The following VAMP4 variants were observed in gnomAD, a reference collection of about 807,000 sequenced individuals.
VAMP4 encodes vesicle-associated membrane protein 4.
A neutral mutation model predicts 23.5 loss-of-function variants in VAMP4; 19 were observed. The ratio of observed to expected loss-of-function variants is 0.81; its 90% CI spans 0.56 to 1.19. VAMP4 has a LOEUF of 1.19. VAMP4 is among the 50% of genes most tolerant of loss of function. The pLI, the probability that VAMP4 is intolerant of heterozygous loss-of-function variation, is 0.00. For synonymous variants in VAMP4, 31 were observed against 51.0 expected, an observed-to-expected ratio of 0.61 and a Z score of 1.67; for missense variants, 145 against 168.6, an observed-to-expected ratio of 0.86 and a Z score of 0.78.
intron 4 of VAMP4, among the ~76,000 whole-genome samples, chr1:171,715,506 G>C (rs530280462): frequency 5.3e-5 from 8 of 152,112 alleles, no homozygotes; most frequent in African/African-American, 1.7e-4. Flanking sequence ...TGTGACTTTG[G>C]AATTCACCTT....
chr1:171,714,008 A>T (rs749456924), intron 4 of VAMP4, among the ~76,000 whole-genome samples: 13 of 152,102 alleles, frequency 8.5e-5, no homozygotes, highest in Non-Finnish European at 4.4e-5. Context: ...AAATATTTTA[A>T]TTTTTCTGCT....
chr1:171,735,421 A>G (rs567426982), intron 2 of VAMP4, among the ~76,000 whole-genome samples: 4 of 152,382 alleles, frequency 2.6e-5, no homozygotes, highest in Admixed American at 2.6e-4. Context: ...ATTACAAACA[A>G]GTTCCGAGAG....
chr1:171,725,378 A>G (rs879682623), intron 3 of VAMP4, among the ~76,000 whole-genome samples: 3 of 152,200 alleles, frequency 2.0e-5, no homozygotes, highest in Non-Finnish European at 2.9e-5. Context: ...AGGCAGGAGA[A>G]TCACTTGAGG....
At chr1:171,728,691 G>A in intron 2 of VAMP4, 121 bp from the exon 3 acceptor site, 1 of 918,276 alleles carries the variant, frequency 1.1e-6, no homozygotes, top group East Asian at 2.7e-5. Flanking sequence ...TCCATAAAGA[G>A]GGAAAAGTAA....
chr1:171,719,130 C>G (rs1315707715), intron 4 of VAMP4, 41 bp downstream of exon 4: 3 of 1,586,742 alleles, frequency 1.9e-6, no homozygotes, highest in Non-Finnish European at 2.6e-6. Flanking sequence ...CTAGTCTACA[C>G]AGAAATATGA....
At chr1:171,706,086 G>T (rs921414696) in intron 7 of VAMP4, among the ~76,000 whole-genome samples, 4 of 151,948 alleles carry the variant, frequency 2.6e-5, no homozygotes, top group Admixed American at 1.3e-4. Flanking sequence ...TGGATTTGGG[G>T]GTGAGGGTTG....
chr1:171,738,331 T>C lies in VAMP4; in HGVS notation c.66+18A>G. On this transcript the variant is annotated intron_variant, in intron 2 of 7. Transcript: ENST00000236192. ...ATTTTGAATCTTTTGTTTTTAAAGC[T>C]TAAGATTCCGAACTTACCCTTTCAC... 5.0e-6 allele frequency: 8 copies of C among 1,611,980 alleles called. No homozygotes were observed. The highest frequency in any genetic ancestry group is 6.8e-6 in the Non-Finnish European group (8 of 1,178,838).
At chr1:171,733,675 T>C (rs1655635314) in intron 2 of VAMP4, among the ~76,000 whole-genome samples, 1 of 152,120 alleles carries the variant, frequency 6.6e-6, no homozygotes, top group African/African-American at 2.4e-5. Context: ...AGGCAGATAA[T>C]ATTAAGTGTT....
chr1:171,715,619 G>A (rs1655002832), intron 4 of VAMP4, among the ~76,000 whole-genome samples: 1 of 152,162 alleles, frequency 6.6e-6, no homozygotes, highest in South Asian at 2.1e-4. Flanking sequence ...CAAACACTTA[G>A]CATAGTGCCC....
intron 3 of VAMP4, among the ~76,000 whole-genome samples, chr1:171,728,068 A>G (rs1320970910): frequency 4.6e-5 from 7 of 152,190 alleles, no homozygotes; most frequent in African/African-American, 1.4e-4. Flanking sequence ...TCAGTTACCC[A>G]TGGTCAACTG....
At position 171,702,852 on chromosome 1, in the gene VAMP4, A is replaced by C. The variant is rs919044995; in HGVS notation, c.*1654T>G. 1 of 152,014 alleles carries C rather than the reference A, an allele frequency of 6.6e-6. No individual in the cohort carries two copies. Among genetic ancestry groups the C allele is most frequent in the Non-Finnish European group, 1.5e-5 (1 of 67,868 alleles). The allele number at this position is 152,014 out of a possible 1,614,324, so 9.4% of individuals were successfully genotyped here. A position where few individuals can be genotyped will look rare whatever the true frequency, so the allele number is the denominator to read the frequency against. ...TTATCTCCTTCTAAATGCTCTAAGC[A>C]AACTATAAAATTTAGTAATTCTATT... On this transcript the variant is annotated 3_prime_UTR_variant, in exon 8 of 8. Coordinates refer to ENST00000236192, the MANE Select transcript of VAMP4 (RefSeq NM_003762.5).
At chr1:171,710,623 A>G (rs1336209703) in intron 5 of VAMP4, 91 bp downstream of exon 5, 2 of 978,348 alleles carry the variant, frequency 2.0e-6, no homozygotes, top group Admixed American at 2.6e-5. Context: ...CCAATTTCCT[A>G]AGCCAAGATT....
In VAMP4 at chr1:171,704,424, T is replaced by C; in HGVS notation, c.*82A>G. The C allele has an allele frequency of 2.4e-6, 3 of 1,255,714 alleles. No homozygotes were observed. The highest frequency in any genetic ancestry group is 1.6e-5 in the African/African-American group (1 of 64,452). 77.8% of individuals were successfully genotyped at this position (1,255,714 alleles called of 1,614,324 possible). A position where few individuals can be genotyped will look rare whatever the true frequency, so the allele number is the denominator to read the frequency against. ...TGAAAAAGAAGTTTTGAAAGTTATA[T>C]ACACATAGGTTTCATTTAAATTATG... On this transcript the variant is annotated 3_prime_UTR_variant, in exon 8 of 8. Coordinates refer to ENST00000236192, the MANE Select transcript of VAMP4 (RefSeq NM_003762.5).
intron 5 of VAMP4, among the ~76,000 whole-genome samples, chr1:171,710,130 T>A (rs947309706): frequency 1.3e-5 from 2 of 151,156 alleles, no homozygotes; most frequent in African/African-American, 4.8e-5. Flanking sequence ...TTAGAAGATA[T>A]CAAAAGTGAC....
chr1:171,712,067 A>G (rs1654865590), intron 4 of VAMP4, among the ~76,000 whole-genome samples: 1 of 152,156 alleles, frequency 6.6e-6, no homozygotes, highest in South Asian at 2.1e-4. Context: ...TTGTGTAAGT[A>G]TACTACTCTA....
chr1:171,727,084 A>G (rs1655393986), intron 3 of VAMP4, among the ~76,000 whole-genome samples: 1 of 151,804 alleles, frequency 6.6e-6, no homozygotes, highest in African/African-American at 2.4e-5. Context: ...ATAAATAAAT[A>G]TAATAATTAG....
intron 6 of VAMP4, 94 bp from the exon 7 acceptor site, chr1:171,706,512 T>C (rs975146142): frequency 1.6e-6 from 2 of 1,216,128 alleles, no homozygotes; most frequent in East Asian, 5.2e-5. Flanking sequence ...TACTAAATCA[T>C]CTCATCACCT....
At chr1:171,722,016 T>C (rs1655210086) in intron 3 of VAMP4, among the ~76,000 whole-genome samples, 1 of 152,160 alleles carries the variant, frequency 6.6e-6, no homozygotes, top group African/African-American at 2.4e-5. Context: ...ACTACAAGGC[T>C]ACAGTAACCA....
In VAMP4 at chr1:171,700,255, A is replaced by G. The variant is rs1208278294; in HGVS notation, c.*4251T>C. On this transcript the variant is annotated 3_prime_UTR_variant, in exon 8 of 8. Coordinates refer to ENST00000236192, the MANE Select transcript of VAMP4 (RefSeq NM_003762.5). Reference sequence around the variant, plus strand: ...AACACAAAGGTCTAAACTTTGCAACACTGGTAAAAATGGTTATGAGGAATT... The same window carrying G: ...AACACAAAGGTCTAAACTTTGCAACGCTGGTAAAAATGGTTATGAGGAATT... 1 of 152,190 alleles carries G rather than the reference A, an allele frequency of 6.6e-6. No homozygotes were observed. Among genetic ancestry groups the G allele is most frequent in the Non-Finnish European group, 1.5e-5 (1 of 68,026 alleles). 9.4% of individuals were successfully genotyped at this position (152,190 alleles called of 1,614,324 possible). A position where few individuals can be genotyped will look rare whatever the true frequency, so the allele number is the denominator to read the frequency against.
Sources: allele counts gnomAD v4.1 joint callset (sites outside exome capture counted in the v4.1 genomes callset), GRCh38; gene constraint gnomAD v4.1.1; transcripts MANE v1.5; gene names NCBI Gene and HGNC (gene_info 2026-07-23, HGNC 2026-07-21).